Variants in ARID1B observed in about 807,000 individuals in gnomAD.
ARID1B encodes the protein AT-rich interactive domain-containing protein 1B.
ARID1B carries 30 observed loss-of-function variants against 212.3 expected under a neutral mutation model. That is an observed-to-expected ratio of 0.14 (90% CI 0.11 to 0.19). The LOEUF (loss-of-function observed/expected upper bound fraction) is 0.19, where lower values mean the gene tolerates loss of function less well. Ranked by LOEUF, ARID1B falls within the 10% of genes least tolerant of loss-of-function variation. The pLI is 1.00. For missense variants in ARID1B, 2,891 were observed against 3,204.0 expected (o/e 0.90, Z 2.36); for synonymous variants, 1,402 against 1,301.7 (o/e 1.08, Z -1.66).
At chr6:157,157,388 C>A (rs1450840694) in intron 8 of ARID1B, among the ~76,000 whole-genome samples, 1 of 152,204 alleles carries the variant, frequency 6.6e-6, no homozygotes, top group Non-Finnish European at 1.5e-5. Flanking sequence ...AGGCAGGGAT[C>A]TTTGGAATTA....
chr6:157,038,886 A>G (rs1409708361), intron 4 of ARID1B, among the ~76,000 whole-genome samples: 1 of 151,404 alleles, frequency 6.6e-6, no homozygotes, highest in Non-Finnish European at 1.5e-5. Flanking sequence ...GGCCAACCTA[A>G]CAGGTTCCTT....
intron 4 of ARID1B, among the ~76,000 whole-genome samples, chr6:157,070,901 C>T (rs1393848082): frequency 2.6e-5 from 4 of 152,140 alleles, no homozygotes; most frequent in African/African-American, 9.7e-5. Flanking sequence ...CCTTTGTTAG[C>T]TCTTGTGAGA....
chr6:157,177,122 CAA>C (rs1240231876), intron 11 of ARID1B, among the ~76,000 whole-genome samples: 2 of 152,206 alleles, frequency 1.3e-5, no homozygotes, highest in East Asian at 3.9e-4. Flanking sequence ...TATTTTTTCT[CAA>C]TATTTCCATA....
At chr6:157,144,813 T>C (rs755288990) in intron 7 of ARID1B, among the ~76,000 whole-genome samples, 3 of 152,190 alleles carry the variant, frequency 2.0e-5, no homozygotes, top group Non-Finnish European at 4.4e-5. Flanking sequence ...GATGGGAGAT[T>C]CAGAAGCAAC....
intron 9 of ARID1B, among the ~76,000 whole-genome samples, chr6:157,171,770 A>G (rs1439891462): frequency 2.0e-5 from 3 of 152,290 alleles, no homozygotes; most frequent in East Asian, 1.9e-4. Context: ...CAGACCAACA[A>G]TGTGTTTATA....
chr6:157,078,401 CG>C (rs1289909090), intron 4 of ARID1B, among the ~76,000 whole-genome samples: 1 of 152,136 alleles, frequency 6.6e-6, no homozygotes, highest in Non-Finnish European at 1.5e-5. Context: ...AATACATTTT[CG>C]TACCAAATTA....
rs1484665232 is a variant in ARID1B, at chr6:156,890,213, C to A, written c.1987-11163C>A. ...CAGAACATTGGTCTGACCTACTATT[C>A]ACTTCAGCTGTGATTTGCTAAATAT... On this transcript the variant is annotated intron_variant, in intron 2 of 19. Coordinates refer to ENST00000636930, the MANE Select transcript of ARID1B (RefSeq NM_001374828.1). 2.0e-5 allele frequency among the ~76,000 whole-genome samples: 3 copies of A among 152,198 alleles called. No homozygotes were observed. The East Asian group carries it at 5.8e-4, about 29-fold the overall frequency.
At chr6:157,156,432 T>A (rs1227835932) in intron 8 of ARID1B, among the ~76,000 whole-genome samples, 1 of 152,244 alleles carries the variant, frequency 6.6e-6, no homozygotes. Flanking sequence ...TTAAAGATTA[T>A]GATTTCAATT....
chr6:156,969,005 GCACTGTTGAAA>G, intron 4 of ARID1B, among the ~76,000 whole-genome samples: 1 of 152,322 alleles, frequency 6.6e-6, no homozygotes, highest in South Asian at 2.1e-4. Flanking sequence ...GCGCACAGTT[GCACTGTTGAAA>G]AGGATGGCTC....
At chr6:156,912,483 C>T (rs1789975504) in intron 3 of ARID1B, among the ~76,000 whole-genome samples, 2 of 152,116 alleles carry the variant, frequency 1.3e-5, no homozygotes, top group South Asian at 4.2e-4. Context: ...GAGGGAAGAC[C>T]CTGCTATTTA....
intron 1 of ARID1B, among the ~76,000 whole-genome samples, chr6:156,823,582 T>C (rs886848449): frequency 6.6e-6 from 1 of 152,160 alleles, no homozygotes; most frequent in Non-Finnish European, 1.5e-5. Context: ...CGAACAATGG[T>C]TCAAAAGAGG....
At chr6:157,161,248 A>C (rs1790908567) in intron 8 of ARID1B, among the ~76,000 whole-genome samples, 1 of 152,142 alleles carries the variant, frequency 6.6e-6, no homozygotes, top group African/African-American at 2.4e-5. Flanking sequence ...TTGTCTAATG[A>C]GACAAATGCC....
At chr6:156,822,687 C>T (rs1782439580) in intron 1 of ARID1B, among the ~76,000 whole-genome samples, 1 of 152,188 alleles carries the variant, frequency 6.6e-6, no homozygotes. Flanking sequence ...TCAGTATTAT[C>T]ATTGTCTTTA....
rs181934506 is a variant in ARID1B, at chr6:156,901,634, A to T, written c.2136+109A>T. On this transcript the variant is annotated intron_variant, in intron 3 of 19. Coordinates refer to ENST00000636930, the MANE Select transcript of ARID1B (RefSeq NM_001374828.1). ...AAAAATTATGTTCTGGTGGAAAAAA[A>T]ATTAGTTTTGAGAAAATGCATAACT... 5.0e-4 allele frequency: 690 copies of T among 1,387,274 alleles called. 7 individuals are homozygous for T. The highest frequency in any genetic ancestry group is 1.9e-4 in the Non-Finnish European group (198 of 1,049,778). 85.9% of individuals were successfully genotyped at this position (1,387,274 alleles called of 1,614,324 possible).
intron 1 of ARID1B, among the ~76,000 whole-genome samples, chr6:156,796,973 T>C (rs1780424846): frequency 1.5e-5 from 2 of 134,930 alleles, no homozygotes; most frequent in Admixed American, 1.5e-4. Flanking sequence ...TTTGGAGGGA[T>C]GCCTTCCATA....
chr6:157,062,996 T>C (rs1783449688), intron 4 of ARID1B, among the ~76,000 whole-genome samples: 1 of 152,070 alleles, frequency 6.6e-6, no homozygotes, highest in South Asian at 2.1e-4. Flanking sequence ...TGAGCCACCG[T>C]GCCCAGCCTA....
Position 156,778,964 on chromosome 6 carries a change from G to T in ARID1B, c.1284G>T (p.Ala428=), listed in dbSNP as rs1008607623. ...GAGCTGTGGCGGCGGCGGCCGCGGC[G>T]GCGGCGGCAGCAGCAGGAGGCGGCG... ...GAGAVAAAAA[A]AAAAAGGGGG... is the part of the protein sequence containing the mutation. The change falls in exon 1 of 20, where the codon GCG becomes GCT. Residue 428 remains alanine, a synonymous_variant. Transcript: ENST00000636930. 7.8e-7 allele frequency: 1 copy of T among 1,286,676 alleles called. No homozygotes were observed. The highest frequency in any genetic ancestry group is 9.7e-7 in the Non-Finnish European group (1 of 1,026,984). 79.7% of individuals were successfully genotyped at this position (1,286,676 alleles called of 1,614,324 possible). A position where few individuals can be genotyped will look rare whatever the true frequency, so the allele number is the denominator to read the frequency against.
intron 2 of ARID1B, among the ~76,000 whole-genome samples, chr6:156,881,997 A>G (rs1034385562): frequency 2.0e-5 from 3 of 152,220 alleles, no homozygotes; most frequent in East Asian, 1.9e-4. Context: ...GAGTCAAGCA[A>G]TCATACAGCC....
At chr6:156,809,679 T>A (rs1017904133) in intron 1 of ARID1B, among the ~76,000 whole-genome samples, 1 of 146,330 alleles carries the variant, frequency 6.8e-6, no homozygotes, top group Non-Finnish European at 1.5e-5. Flanking sequence ...CCACCACCAT[T>A]GTCAAGAGCA....
Sources: gnomAD v4.1 joint callset for allele counts (sites outside exome capture counted in the v4.1 genomes callset) on GRCh38, gnomAD v4.1.1 for gene constraint, MANE v1.5 for transcripts, NCBI Gene and HGNC (gene_info 2026-07-23, HGNC 2026-07-21) for gene names.